The following GRM7 variants were observed in gnomAD, a reference collection of about 807,000 sequenced individuals.
GRM7 encodes metabotropic glutamate receptor 7.
Under a neutral mutation model 84.5 loss-of-function variants are expected in GRM7, and 35 were observed. The ratio of observed to expected loss-of-function variants is 0.41; its 90% confidence interval spans 0.32 to 0.55. The LOEUF is 0.55. GRM7 is among the 20% of genes least tolerant of loss of function. GRM7 has a pLI of 0.19. For missense variants in GRM7, 1,003 were observed against 1,194.6 expected (o/e 0.84, Z 2.36); for synonymous variants, 487 against 455.1 (o/e 1.07, Z -0.89).
chr3:7,538,479 C>T (rs955155427), intron 7 of GRM7, among the ~76,000 whole-genome samples: 3 of 152,182 alleles, frequency 2.0e-5, no homozygotes, highest in African/African-American at 7.2e-5. Flanking sequence ...TCCTGGGCTA[C>T]AAACAACCAT....
At chr3:6,934,986 C>G (rs961961902) in intron 1 of GRM7, among the ~76,000 whole-genome samples, 8 of 152,186 alleles carry the variant, frequency 5.3e-5, no homozygotes, top group African/African-American at 1.9e-4. Flanking sequence ...TTCTGAGAAA[C>G]TCAGTAACAT....
At chr3:7,632,202 A>G (rs1697887235) in intron 8 of GRM7, among the ~76,000 whole-genome samples, 1 of 152,182 alleles carries the variant, frequency 6.6e-6, no homozygotes, top group Non-Finnish European at 1.5e-5. Context: ...TATCAGAAGT[A>G]TCTTGGGAAG....
intron 1 of GRM7, among the ~76,000 whole-genome samples, chr3:7,044,762 C>T (rs1016965759): frequency 6.6e-6 from 1 of 152,038 alleles, no homozygotes; most frequent in Non-Finnish European, 1.5e-5. Context: ...CTGACTGAGG[C>T]TGGGCAATTT....
intron 2 of GRM7, among the ~76,000 whole-genome samples, chr3:7,276,350 C>T (rs1699056691): frequency 6.6e-6 from 1 of 151,428 alleles, no homozygotes; most frequent in Non-Finnish European, 1.5e-5. Flanking sequence ...CATCCCCAAT[C>T]TAGTTAATTG....
intron 7 of GRM7, among the ~76,000 whole-genome samples, chr3:7,539,400 G>C (rs1692738455): frequency 6.6e-6 from 1 of 152,124 alleles, no homozygotes; most frequent in African/African-American, 2.4e-5. Flanking sequence ...CTCTCAGCCA[G>C]GTGTGGTGGC....
intron 8 of GRM7, among the ~76,000 whole-genome samples, chr3:7,628,144 G>C (rs1178124449): frequency 6.6e-6 from 1 of 151,960 alleles, no homozygotes; most frequent in African/African-American, 2.4e-5. Context: ...TTTTTTCTTA[G>C]AAATAAAGAT....
chr3:7,225,520 A>G (rs1696954974), intron 2 of GRM7, among the ~76,000 whole-genome samples: 1 of 147,708 alleles, frequency 6.8e-6, no homozygotes. Flanking sequence ...GAAACCATAT[A>G]GCTATAATAA....
intron 8 of GRM7, chr3:7,636,162 C>T (rs1698083082): frequency 2.2e-6 from 1 of 453,912 alleles, no homozygotes; most frequent in Non-Finnish European, 4.4e-6. Flanking sequence ...TTTGCCTAAA[C>T]TGTGTCCACT....
intron 2 of GRM7, among the ~76,000 whole-genome samples, chr3:7,280,776 C>T (rs1339708824): frequency 2.6e-5 from 4 of 152,136 alleles, no homozygotes; most frequent in African/African-American, 2.4e-5. Context: ...TGATATGTTT[C>T]GAGTTAATCC....
intron 1 of GRM7, among the ~76,000 whole-genome samples, chr3:6,938,074 A>C (rs953345269): frequency 2.0e-5 from 3 of 152,216 alleles, no homozygotes; most frequent in African/African-American, 7.2e-5. Flanking sequence ...TCTGACTCCA[A>C]TGACAACAGC....
chr3:6,937,782 T>C (rs987545280), intron 1 of GRM7, among the ~76,000 whole-genome samples: 1 of 152,236 alleles, frequency 6.6e-6, no homozygotes, highest in Non-Finnish European at 1.5e-5. Context: ...ATTTCTATTA[T>C]CTGTTATCAC....
intron 1 of GRM7, among the ~76,000 whole-genome samples, chr3:6,948,213 C>T (rs1356416496): frequency 6.6e-6 from 1 of 152,052 alleles, no homozygotes; most frequent in Non-Finnish European, 1.5e-5. Context: ...TTTCCCTCTA[C>T]ACACTGCTTT....
chr3:7,382,301 A>G (rs1394068767), intron 4 of GRM7, among the ~76,000 whole-genome samples: 4 of 152,172 alleles, frequency 2.6e-5, no homozygotes, highest in African/African-American at 9.7e-5. Context: ...ATATAGGCCT[A>G]TTAAATGGGA....
rs556841614 is a variant in GRM7, at chr3:7,533,330, C to A, written c.1516-45092C>A. Among the ~76,000 whole-genome samples, 13 of 152,222 alleles carry A rather than the reference C, an allele frequency of 8.5e-5. No homozygotes were observed. The South Asian group carries it at 2.7e-3, about 32-fold the overall frequency. Reference sequence around the variant, plus strand: ...CACAGTGCAATCAAATTAGAACTCACGATTAAGAAACTCACTCAAAACCAC... The same window carrying A: ...CACAGTGCAATCAAATTAGAACTCAAGATTAAGAAACTCACTCAAAACCAC... On this transcript the variant is annotated intron_variant, in intron 7 of 9. Transcript: ENST00000357716.
intron 1 of GRM7, among the ~76,000 whole-genome samples, chr3:6,865,947 T>A (rs1161064148): frequency 1.3e-5 from 2 of 152,176 alleles, no homozygotes; most frequent in South Asian, 4.1e-4. Context: ...TTACTGTGTT[T>A]TAGGAAATTT....
At chr3:7,292,884 A>G (rs561385221) in intron 2 of GRM7, among the ~76,000 whole-genome samples, 6 of 151,770 alleles carry the variant, frequency 4.0e-5, no homozygotes, top group South Asian at 2.1e-4. Flanking sequence ...AAATACAAAA[A>G]TTAGCCGGGC....
intron 7 of GRM7, among the ~76,000 whole-genome samples, chr3:7,571,503 G>C (rs2125046044): frequency 6.6e-6 from 1 of 152,262 alleles, no homozygotes; most frequent in Middle Eastern, 3.4e-3. Flanking sequence ...AATCACCCTT[G>C]CTCCAGTTCC....
intron 9 of GRM7, among the ~76,000 whole-genome samples, chr3:7,712,321 G>A (rs912197417): frequency 2.6e-5 from 4 of 152,144 alleles, no homozygotes; most frequent in Admixed American, 2.0e-4. Flanking sequence ...ACATAGGTTG[G>A]GTGGGGGCTG....
intron 7 of GRM7, among the ~76,000 whole-genome samples, chr3:7,557,180 G>A (rs1197144473): frequency 1.3e-5 from 2 of 152,092 alleles, no homozygotes; most frequent in Non-Finnish European, 2.9e-5. Context: ...GCCTGCCTTA[G>A]GAATCCACTG....
Sources: allele counts gnomAD v4.1 joint callset (sites outside exome capture counted in the v4.1 genomes callset), GRCh38; gene constraint gnomAD v4.1.1; transcripts MANE v1.5; gene names NCBI Gene and HGNC (gene_info 2026-07-23, HGNC 2026-07-21).